Variants in FSTL4 observed in about 807,000 individuals in gnomAD.
FSTL4 encodes follistatin-related protein 4.
FSTL4 carries 28 observed loss-of-function variants against 78.2 expected under a neutral mutation model. The ratio of observed to expected loss-of-function variants is 0.36; its 90% confidence interval spans 0.27 to 0.49. FSTL4 has a LOEUF of 0.49. FSTL4 is among the 20% of genes least tolerant of loss of function. The pLI, the probability that FSTL4 is intolerant of heterozygous loss-of-function variation, is 0.98. For missense variants in FSTL4, 922 were observed against 1,084.9 expected, an observed-to-expected ratio of 0.85 and a Z score of 2.11; for synonymous variants, 422 against 440.5, an observed-to-expected ratio of 0.96 and a Z score of 0.53.
At chr5:133,783,787 T>A in the FSTL4 span, among the ~76,000 whole-genome samples, 6 of 152,174 alleles carry the variant, frequency 3.9e-5, no homozygotes, top group African/African-American at 1.4e-4. Flanking sequence ...CAAGGGAAGT[T>A]ACAAATCTAA....
chr5:133,271,363 G>A (rs1752760299), intron 6 of FSTL4, among the ~76,000 whole-genome samples: 1 of 152,184 alleles, frequency 6.6e-6, no homozygotes, highest in Non-Finnish European at 1.5e-5. Flanking sequence ...TTTGGTTTGG[G>A]GAATATATTT....
At chr5:133,677,427 C>T in the FSTL4 span, among the ~76,000 whole-genome samples, 1 of 152,328 alleles carries the variant, frequency 6.6e-6, no homozygotes, top group African/African-American at 2.4e-5. Context: ...TTAAGGACTT[C>T]TGAGGTCTCT....
intron 3 of FSTL4, among the ~76,000 whole-genome samples, chr5:133,478,913 T>A (rs367814735): frequency 5.3e-5 from 8 of 152,226 alleles, no homozygotes; most frequent in Middle Eastern, 3.4e-3. Flanking sequence ...TCCACAGCAG[T>A]GTCTCAGTCC....
chr5:133,454,179 AAAC>A (rs1162713505), intron 3 of FSTL4, among the ~76,000 whole-genome samples: 6 of 152,358 alleles, frequency 3.9e-5, no homozygotes, highest in Non-Finnish European at 5.9e-5. Context: ...AAAGAAAAAA[AAAC>A]AACAACAACT....
the FSTL4 span, among the ~76,000 whole-genome samples, chr5:133,675,151 G>A: frequency 5.9e-5 from 9 of 152,130 alleles, no homozygotes; most frequent in African/African-American, 2.2e-4. Context: ...TGGCATTTAA[G>A]TAGAGACCTG....
At position 133,591,494 on chromosome 5, in the gene FSTL4, C is replaced by T. The variant is rs545311024; in HGVS notation, c.126+12364G>A. 7.2e-5 allele frequency among the ~76,000 whole-genome samples: 11 copies of T among 152,274 alleles called. No individual in the cohort carries two copies. The East Asian group carries it at 1.5e-3, about 21-fold the overall frequency. On this transcript the variant is annotated intron_variant, in intron 2 of 15. Transcript: ENST00000265342. Reference sequence around the variant, plus strand: ...ACCAACTGTCCTCCACCCACAATAACCTCCTGCCACTCCTTCACAAGAGCC... The same window carrying T: ...ACCAACTGTCCTCCACCCACAATAATCTCCTGCCACTCCTTCACAAGAGCC...
At chr5:133,224,093 G>T in intron 11 of FSTL4, 97 bp downstream of exon 11, 1 of 916,230 alleles carries the variant, frequency 1.1e-6, no homozygotes, top group Non-Finnish European at 1.8e-6. Context: ...GGGCTGCTTT[G>T]TGTGGGAAAG....
intron 3 of FSTL4, among the ~76,000 whole-genome samples, chr5:133,543,437 C>T (rs1171697178): frequency 1.3e-5 from 2 of 152,166 alleles, no homozygotes; most frequent in Non-Finnish European, 2.9e-5. Flanking sequence ...CCTTATAAGT[C>T]TGTCAATTTT....
At chr5:133,779,984 C>T in the FSTL4 span, among the ~76,000 whole-genome samples, 12 of 152,192 alleles carry the variant, frequency 7.9e-5, no homozygotes, top group Admixed American at 2.6e-4. Flanking sequence ...CCAAGGCCTA[C>T]AGAGGGCGTC....
chr5:133,374,364 G>A (rs1755383462), intron 4 of FSTL4, among the ~76,000 whole-genome samples: 1 of 152,190 alleles, frequency 6.6e-6, no homozygotes, highest in South Asian at 2.1e-4. Context: ...TGGGCCCAGG[G>A]CACACAATGA....
At chr5:133,569,249 C>T (rs1373772683) in intron 2 of FSTL4, among the ~76,000 whole-genome samples, 2 of 152,190 alleles carry the variant, frequency 1.3e-5, no homozygotes, top group Non-Finnish European at 2.9e-5. Flanking sequence ...TCCTATACTT[C>T]CAGGTGTTTT....
intron 6 of FSTL4, among the ~76,000 whole-genome samples, chr5:133,280,787 C>T (rs1165707348): frequency 6.6e-5 from 10 of 152,240 alleles, no homozygotes; most frequent in Non-Finnish European, 1.5e-4. Context: ...ATTCCAGCCA[C>T]GCTGGCCTGC....
the FSTL4 span, among the ~76,000 whole-genome samples, chr5:133,644,060 G>A: frequency 6.6e-6 from 1 of 152,174 alleles, no homozygotes; most frequent in Admixed American, 6.5e-5. Context: ...AAAGTAAAAT[G>A]GTGGTGGGAA....
intron 5 of FSTL4, among the ~76,000 whole-genome samples, chr5:133,313,144 G>A (rs1047870490): frequency 2.0e-5 from 3 of 152,288 alleles, no homozygotes; most frequent in African/African-American, 4.8e-5. Context: ...AGACCCCATC[G>A]GATAAACCCA....
At chr5:133,527,835 A>G (rs563780666) in intron 3 of FSTL4, among the ~76,000 whole-genome samples, 2 of 152,340 alleles carry the variant, frequency 1.3e-5, no homozygotes, top group East Asian at 3.9e-4. Flanking sequence ...AAAGAGTCCA[A>G]GTAACCCCCC....
At chr5:133,692,341 G>C in the FSTL4 span, among the ~76,000 whole-genome samples, 53,910 of 152,006 alleles carry the variant, frequency 0.35, 10,523 homozygotes, top group African/African-American at 0.53. Flanking sequence ...CCTTAGCGTG[G>C]GTTTCATCAT....
At chr5:133,245,432 C>T (rs1752013479) in intron 7 of FSTL4, among the ~76,000 whole-genome samples, 1 of 152,258 alleles carries the variant, frequency 6.6e-6, no homozygotes, top group African/African-American at 2.4e-5. Context: ...TTCCCCACTG[C>T]CCACAGGGCA....
At chr5:133,533,184 C>G (rs2112911005) in intron 3 of FSTL4, among the ~76,000 whole-genome samples, 1 of 152,264 alleles carries the variant, frequency 6.6e-6, no homozygotes, top group East Asian at 1.9e-4. Context: ...CTTAGTGAAA[C>G]TGATCTCAAC....
chr5:133,796,586 C>G, the FSTL4 span, among the ~76,000 whole-genome samples: 1 of 152,114 alleles, frequency 6.6e-6, no homozygotes, highest in South Asian at 2.1e-4. Flanking sequence ...AGCCAAATCC[C>G]TCTCCGACCA....
Sources: gnomAD v4.1 joint callset for allele counts (sites outside exome capture counted in the v4.1 genomes callset) on GRCh38, gnomAD v4.1.1 for gene constraint, MANE v1.5 for transcripts, NCBI Gene and HGNC (gene_info 2026-07-23, HGNC 2026-07-21) for gene names.